Variants in TP53INP1 observed in about 807,000 individuals in gnomAD.
TP53INP1 encodes the protein tumor protein p53-inducible nuclear protein 1.
Under a neutral mutation model 21.0 loss-of-function variants are expected in TP53INP1, and 12 were observed. That is an observed-to-expected ratio of 0.57 (90% CI 0.37 to 0.93). TP53INP1 has a LOEUF of 0.93. Ranked by LOEUF, TP53INP1 falls within the 40% of genes least tolerant of loss-of-function variation. TP53INP1 has a pLI of 0.01. For synonymous variants in TP53INP1, 91 were observed against 94.8 expected (o/e 0.96, Z 0.23); for missense variants, 274 against 294.7 (o/e 0.93, Z 0.51).
At chr8:94,943,774 T>C (rs949792296) in intron 1 of TP53INP1, among the ~76,000 whole-genome samples, 7 of 152,238 alleles carry the variant, frequency 4.6e-5, no homozygotes, top group African/African-American at 9.6e-5. Context: ...TGGTCACAAT[T>C]CATCTTCTTC....
chr8:94,933,932 G>A (rs62523081), intron 3 of TP53INP1, among the ~76,000 whole-genome samples: 43,842 of 149,438 alleles, frequency 0.29, 7,138 homozygotes, highest in Non-Finnish European at 0.37. Flanking sequence ...TTAGCTGGGC[G>A]TAGTGGCGGT....
At chr8:94,936,637 T>C (rs893737714) in intron 3 of TP53INP1, among the ~76,000 whole-genome samples, 2 of 152,100 alleles carry the variant, frequency 1.3e-5, no homozygotes, top group African/African-American at 4.8e-5. Context: ...AGAATCACAA[T>C]GAAAACCTGG....
chr8:94,946,623 T>C (rs1290656365), intron 1 of TP53INP1, among the ~76,000 whole-genome samples: 1 of 141,186 alleles, frequency 7.1e-6, no homozygotes, highest in Admixed American at 7.8e-5. Context: ...CTTGAGCCCA[T>C]GAGTTTGAAG....
At position 94,927,217 on chromosome 8, in the gene TP53INP1, T is replaced by C. The variant is rs1819972025; in HGVS notation, c.*3262A>G. ...TCCAACTCAGAGAAAATGAGAATAATGAAGATACTCTTCCTTGCTCGTTTT... is the reference window on the plus strand; with the variant it reads ...TCCAACTCAGAGAAAATGAGAATAACGAAGATACTCTTCCTTGCTCGTTTT... On this transcript the variant is annotated 3_prime_UTR_variant, in exon 4 of 4. Transcript: ENST00000342697. 1 of 152,596 alleles carries C rather than the reference T, an allele frequency of 6.6e-6. No homozygotes were observed. Among genetic ancestry groups the C allele is most frequent in the Non-Finnish European group, 1.5e-5 (1 of 68,018 alleles). 9.5% of individuals were successfully genotyped at this position (152,596 alleles called of 1,614,324 possible). A position where few individuals can be genotyped will look rare whatever the true frequency, so the allele number is the denominator to read the frequency against.
At chr8:94,939,831 C>T in intron 3 of TP53INP1, 29 bp downstream of exon 3, 1 of 1,593,708 alleles carries the variant, frequency 6.3e-7, no homozygotes, top group Non-Finnish European at 8.6e-7. Flanking sequence ...AGTGGACTGC[C>T]TACAGAGAGT....
intron 3 of TP53INP1, among the ~76,000 whole-genome samples, chr8:94,933,019 C>G (rs1258118143): frequency 1.3e-5 from 2 of 152,050 alleles, no homozygotes; most frequent in Non-Finnish European, 2.9e-5. Context: ...GAGTTTGAGA[C>G]CAGCCTGGCC....
At chr8:94,943,455 C>G (rs1185544840) in intron 1 of TP53INP1, among the ~76,000 whole-genome samples, 1 of 152,128 alleles carries the variant, frequency 6.6e-6, no homozygotes, top group Non-Finnish European at 1.5e-5. Context: ...CCACTGTACT[C>G]CAGTGTGAGT....
intron 3 of TP53INP1, among the ~76,000 whole-genome samples, chr8:94,936,754 G>A (rs1394191352): frequency 6.6e-6 from 1 of 152,168 alleles, no homozygotes; most frequent in Non-Finnish European, 1.5e-5. Flanking sequence ...AGGTTTGGAA[G>A]GTGACTGGGA....
At chr8:94,938,844 C>T (rs748915394) in intron 3 of TP53INP1, among the ~76,000 whole-genome samples, 5 of 152,204 alleles carry the variant, frequency 3.3e-5, no homozygotes, top group African/African-American at 7.2e-5. Context: ...AGGAAGGGGT[C>T]GTGGGAACAC....
chr8:94,933,593 T>C (rs1457164964), intron 3 of TP53INP1, among the ~76,000 whole-genome samples: 1 of 151,938 alleles, frequency 6.6e-6, no homozygotes, highest in African/African-American at 2.4e-5. Flanking sequence ...GGTGAAACCC[T>C]GTCTCTACTA....
At position 94,941,046 on chromosome 8, in the gene TP53INP1, A is replaced by G; in HGVS notation, c.-105T>C. On this transcript the variant is annotated 5_prime_UTR_variant, in exon 2 of 4. Transcript: ENST00000342697. ...GTACCGACAGGAGATTAAAGTGCACAGGGTGCTTATTCAACTTAGGTGAAA... is the reference window on the plus strand; with the variant it reads ...GTACCGACAGGAGATTAAAGTGCACGGGGTGCTTATTCAACTTAGGTGAAA... The G allele has an allele frequency of 1.3e-6, 1 of 767,698 alleles. No individual in the cohort carries two copies. Among genetic ancestry groups the G allele is most frequent in the Non-Finnish European group, 2.2e-6 (1 of 463,804 alleles). 47.6% of individuals were successfully genotyped at this position (767,698 alleles called of 1,614,324 possible). A position where few individuals can be genotyped will look rare whatever the true frequency, so the allele number is the denominator to read the frequency against.
chr8:94,940,141 T>C lies in TP53INP1; in HGVS notation c.192A>G (p.Ser64=). The change falls in exon 3 of 4, where the codon TCA becomes TCG. Residue 64 remains serine (S), a synonymous_variant. Transcript: ENST00000342697. ...GAGATGCCGGTAAACAGGAAAAGAC[T>C]GAAGGGTGCTCAGTAGGTGACTCTT... is the stretch of plus-strand genomic sequence containing the variant. ...ISEESPTEHP[S]VFSCLPASLE... 1 of 1,614,180 alleles carries C rather than the reference T, an allele frequency of 6.2e-7. No homozygotes were observed. The highest frequency in any genetic ancestry group is 8.5e-7 in the Non-Finnish European group (1 of 1,180,022).
At chr8:94,939,821 A>G in intron 3 of TP53INP1, 39 bp downstream of exon 3, 1 of 1,579,300 alleles carries the variant, frequency 6.3e-7, no homozygotes, top group Non-Finnish European at 8.6e-7. Context: ...ATGCATGCTC[A>G]GTGGACTGCC....
At chr8:94,933,838 G>GGC (rs1554630476) in intron 3 of TP53INP1, among the ~76,000 whole-genome samples, 4 of 148,482 alleles carry the variant, frequency 2.7e-5, no homozygotes, top group Non-Finnish European at 6.0e-5. Flanking sequence ...ACTTTGTGGG[G>GGC]GGGGGGGGAG....
chr8:94,927,392 T>C lies in TP53INP1; in HGVS notation c.*3087A>G, dbSNP rs983843426. 2.6e-5 allele frequency: 4 copies of C among 152,234 alleles called. No individual in the cohort carries two copies. Among genetic ancestry groups the C allele is most frequent in the African/African-American group, 4.8e-5 (2 of 41,466 alleles). 9.4% of individuals were successfully genotyped at this position (152,234 alleles called of 1,614,324 possible). A position where few individuals can be genotyped will look rare whatever the true frequency, so the allele number is the denominator to read the frequency against. Reference sequence around the variant, plus strand: ...AATGCTGAACAGCCTGCTCAAGTTTTAAATAAACTGTCTTCTCACTCAAAG... The same window carrying C: ...AATGCTGAACAGCCTGCTCAAGTTTCAAATAAACTGTCTTCTCACTCAAAG... On this transcript the variant is annotated 3_prime_UTR_variant, in exon 4 of 4. Coordinates refer to ENST00000342697, the MANE Select transcript of TP53INP1 (RefSeq NM_033285.4).
Position 94,926,124 on chromosome 8 carries a change from GTC to G in TP53INP1, c.*4353_*4354del, listed in dbSNP as rs1464652175. 6 of 152,652 alleles carry G rather than the reference GTC, an allele frequency of 3.9e-5. No individual in the cohort carries two copies. In the East Asian group the frequency reaches 9.6e-4, roughly 25 times the overall value. 9.5% of individuals were successfully genotyped at this position (152,652 alleles called of 1,614,324 possible). On this transcript the variant is annotated 3_prime_UTR_variant, in exon 4 of 4. Transcript: ENST00000342697. ...TTTTGGCAAAGTGCTGTATTGTTCA[GTC>G]TGTGTACAAAACTGACCATCTATGA...
chr8:94,932,284 T>C (rs1270280941), intron 3 of TP53INP1, among the ~76,000 whole-genome samples: 1 of 152,218 alleles, frequency 6.6e-6, no homozygotes, highest in African/African-American at 2.4e-5. Context: ...TTATAAAGGC[T>C]AAAATGCAAT....
chr8:94,933,664 C>G (rs1017634), intron 3 of TP53INP1, among the ~76,000 whole-genome samples: 117,554 of 151,872 alleles, frequency 0.77, 47,028 homozygotes, highest in East Asian at 0.89. Flanking sequence ...AATCGGGAGG[C>G]TGAGGCATGA....
At chr8:94,947,029 C>T (rs538757862) in intron 1 of TP53INP1, among the ~76,000 whole-genome samples, 9 of 152,200 alleles carry the variant, frequency 5.9e-5, no homozygotes, top group East Asian at 1.9e-4. Context: ...TTGTATGTAA[C>T]GGGGCCTTGA....
Sources: gnomAD v4.1 joint callset for allele counts (sites outside exome capture counted in the v4.1 genomes callset) on GRCh38, gnomAD v4.1.1 for gene constraint, MANE v1.5 for transcripts, NCBI Gene and HGNC (gene_info 2026-07-23, HGNC 2026-07-21) for gene names.